Variants in DCTN4 observed in about 807,000 individuals in gnomAD.
DCTN4 encodes the protein dynactin 4 (p62).
A neutral mutation model predicts 62.7 loss-of-function variants in DCTN4; 23 were observed. The ratio of observed to expected loss-of-function variants is 0.37; its 90% CI spans 0.26 to 0.52. DCTN4 has a LOEUF of 0.52. Ranked by LOEUF, DCTN4 falls within the 20% of genes least tolerant of loss-of-function variation. The probability of loss-of-function intolerance (pLI) is 0.92; values close to 1 mark genes in which losing one functional copy is unlikely to be tolerated. For synonymous variants in DCTN4, 199 were observed against 202.1 expected (o/e 0.98, Z 0.13); for missense variants, 514 against 580.4 (o/e 0.89, Z 1.18).
Position 150,742,156 on chromosome 5 carries a change from A to G in DCTN4, c.387T>C (p.Ala129=), listed in dbSNP as rs1013824497. 5 of 1,613,600 alleles carry G rather than the reference A, an allele frequency of 3.1e-6. No individual in the cohort carries two copies. Among genetic ancestry groups the G allele is most frequent in the Non-Finnish European group, 4.2e-6 (5 of 1,179,526 alleles). ...TTTCAGGTTCCTGCCAACCGCCACT[A>G]GCTACAAAATAAAAGAATATTAAAC... is the stretch of plus-strand genomic sequence containing the variant. ...RDVGMADKSV[A]SGGWQEPENP... The change falls in exon 4 of 13, where the codon GCT becomes GCC. Residue 129 remains alanine (A), a splice_region_variant and synonymous_variant. Coordinates refer to ENST00000447998, the MANE Select transcript of DCTN4 (RefSeq NM_016221.4).
At chr5:150,717,721 C>T (rs1759817503) in intron 11 of DCTN4, among the ~76,000 whole-genome samples, 1 of 152,124 alleles carries the variant, frequency 6.6e-6, no homozygotes, top group South Asian at 2.1e-4. Context: ...TTAGGGGAGT[C>T]AGGATAGGAA....
At chr5:150,731,332 T>A in intron 6 of DCTN4, 84 bp downstream of exon 6, 1 of 1,182,470 alleles carries the variant, frequency 8.5e-7, no homozygotes, top group South Asian at 1.3e-5. Flanking sequence ...CAACTGTGTG[T>A]GTGTGTGTGT....
chr5:150,728,770 TTATTTAGAC>T (rs1327854052), intron 8 of DCTN4, among the ~76,000 whole-genome samples: 1 of 152,216 alleles, frequency 6.6e-6, no homozygotes, highest in Non-Finnish European at 1.5e-5. Context: ...ATTTGCTTTA[TTATTTAGAC>T]TGACAATGTT....
intron 11 of DCTN4, among the ~76,000 whole-genome samples, chr5:150,716,008 G>A (rs139911024): frequency 1.5e-3 from 232 of 152,192 alleles, no homozygotes; most frequent in African/African-American, 5.3e-3. Flanking sequence ...GGGTTCAAGC[G>A]ATTCTCCTGA....
chr5:150,752,264 A>G (rs910368064), intron 3 of DCTN4, among the ~76,000 whole-genome samples: 2 of 152,212 alleles, frequency 1.3e-5, no homozygotes, highest in African/African-American at 4.8e-5. Context: ...GTTAACCATG[A>G]AATACAGAAT....
intron 4 of DCTN4, 51 bp from the exon 5 acceptor site, chr5:150,733,526 T>C (rs1760464130): frequency 7.6e-7 from 1 of 1,321,604 alleles, no homozygotes; most frequent in South Asian, 1.2e-5. Flanking sequence ...AGAAAACATA[T>C]CAAATTAATC....
chr5:150,740,701 A>C (rs1315339782), intron 4 of DCTN4, among the ~76,000 whole-genome samples: 2 of 152,188 alleles, frequency 1.3e-5, no homozygotes, highest in Non-Finnish European at 2.9e-5. Flanking sequence ...TGTATACACC[A>C]TGGAATACTA....
chr5:150,715,365 T>C (rs1581562269), intron 12 of DCTN4, among the ~76,000 whole-genome samples, 200 bp downstream of exon 12: 1 of 152,264 alleles, frequency 6.6e-6, no homozygotes, highest in South Asian at 2.1e-4. Flanking sequence ...AAAATGCTAA[T>C]GGTGTTTATC....
At chr5:150,745,605 T>G (rs926806653) in intron 3 of DCTN4, among the ~76,000 whole-genome samples, 1 of 152,170 alleles carries the variant, frequency 6.6e-6, no homozygotes, top group African/African-American at 2.4e-5. Context: ...CAGACCACAG[T>G]GCAATCAAAC....
At chr5:150,741,453 G>A (rs1262450548) in intron 4 of DCTN4, among the ~76,000 whole-genome samples, 2 of 152,214 alleles carry the variant, frequency 1.3e-5, no homozygotes, top group East Asian at 3.9e-4. Flanking sequence ...GGGATTACAG[G>A]CATGAGCCAC....
intron 10 of DCTN4, 127 bp downstream of exon 10, chr5:150,719,589 A>G (rs1202537004): frequency 1.5e-6 from 1 of 687,182 alleles, no homozygotes; most frequent in South Asian, 1.8e-5. Flanking sequence ...TATTATCCCA[A>G]ACTGTCTTCT....
intron 3 of DCTN4, among the ~76,000 whole-genome samples, chr5:150,751,351 C>T (rs1326884089): frequency 6.6e-6 from 1 of 152,054 alleles, no homozygotes; most frequent in African/African-American, 2.4e-5. Context: ...TAGAAGCCAG[C>T]ATAAGTTTAT....
At chr5:150,750,348 G>T (rs140345715) in intron 3 of DCTN4, among the ~76,000 whole-genome samples, 1 of 152,298 alleles carries the variant, frequency 6.6e-6, no homozygotes, top group African/African-American at 2.4e-5. Flanking sequence ...CAAGGAACTG[G>T]AGCTACAGGT....
rs935387959 is a variant in DCTN4 at position 150,734,716 on chromosome 5, C to T, written c.430-1241G>A. Among the ~76,000 whole-genome samples the T allele has an allele frequency of 5.9e-5, 9 of 152,334 alleles. No homozygotes were observed. The East Asian group carries it at 1.5e-3, about 26-fold the overall frequency. On this transcript the variant is annotated intron_variant, in intron 4 of 12. Transcript: ENST00000447998. ...CACAGCAGTCGGGAAGGGGCGGAGTCCAAAAGGCTAGCTTGCTTTTTCAGC... is the reference window on the plus strand; with the variant it reads ...CACAGCAGTCGGGAAGGGGCGGAGTTCAAAAGGCTAGCTTGCTTTTTCAGC...
chr5:150,736,072 C>CAAT (rs1303435494), intron 4 of DCTN4, among the ~76,000 whole-genome samples: 2 of 151,632 alleles, frequency 1.3e-5, no homozygotes, highest in Non-Finnish European at 2.9e-5. Flanking sequence ...AGAATAATAA[C>CAAT]AATAATAATA....
At chr5:150,736,903 TG>T (rs1760602069) in intron 4 of DCTN4, among the ~76,000 whole-genome samples, 1 of 152,008 alleles carries the variant, frequency 6.6e-6, no homozygotes, top group South Asian at 2.1e-4. Flanking sequence ...CATAAACTTA[TG>T]GTAAAGGGGT....
At chr5:150,712,903 G>GA (rs1263841564) in intron 12 of DCTN4, among the ~76,000 whole-genome samples, 1 of 152,180 alleles carries the variant, frequency 6.6e-6, no homozygotes, top group Non-Finnish European at 1.5e-5. Context: ...CCAGAAATCT[G>GA]AAAGTTCTAT....
intron 12 of DCTN4, among the ~76,000 whole-genome samples, chr5:150,712,673 C>T (rs1759613005): frequency 1.3e-5 from 2 of 152,170 alleles, no homozygotes; most frequent in South Asian, 2.1e-4. Flanking sequence ...TTGTAAATAA[C>T]TTATGTAATT....
intron 2 of DCTN4, among the ~76,000 whole-genome samples, chr5:150,754,346 C>T (rs1463687320): frequency 1.3e-5 from 2 of 152,128 alleles, no homozygotes; most frequent in African/African-American, 2.4e-5. Flanking sequence ...CATCTGGATA[C>T]TATCAAAAGA....
Sources: gnomAD v4.1 joint callset for allele counts (sites outside exome capture counted in the v4.1 genomes callset) on GRCh38, gnomAD v4.1.1 for gene constraint, MANE v1.5 for transcripts, NCBI Gene and HGNC (gene_info 2026-07-23, HGNC 2026-07-21) for gene names.